The following NOX4 variants were observed in gnomAD, a reference collection of about 807,000 sequenced individuals.
NOX4 encodes kidney oxidase-1.
A neutral mutation model predicts 87.6 loss-of-function variants in NOX4; 69 were observed. That is an observed-to-expected ratio of 0.79 (90% CI 0.65 to 0.96). The LOEUF (loss-of-function observed/expected upper bound fraction) is 0.96, where lower values mean the gene tolerates loss of function less well. Ranked by LOEUF, NOX4 falls within the 40% of genes least tolerant of loss-of-function variation. The pLI is 0.00. For missense variants in NOX4, 680 were observed against 681.5 expected (o/e 1.00, Z 0.02); for synonymous variants, 275 against 238.2 (o/e 1.15, Z -1.42).
At chr11:89,365,776 A>AAAC (rs1938932550) in intron 12 of NOX4, among the ~76,000 whole-genome samples, 1 of 149,982 alleles carries the variant, frequency 6.7e-6, no homozygotes, top group African/African-American at 2.5e-5. Context: ...AAAAAAAAAA[A>AAAC]CAGGAGATTT....
chr11:89,454,970 G>T (rs914861161), intron 2 of NOX4, among the ~76,000 whole-genome samples: 9 of 151,992 alleles, frequency 5.9e-5, no homozygotes, highest in Admixed American at 6.6e-5. Context: ...TCATCTCAGG[G>T]TTAAAACTAA....
chr11:89,536,106 T>C, the NOX4 span, among the ~76,000 whole-genome samples: 2 of 151,232 alleles, frequency 1.3e-5, no homozygotes, highest in African/African-American at 4.9e-5. Flanking sequence ...AAGCTCAGGG[T>C]TCTCAGCAAT....
chr11:89,402,013 A>T lies in NOX4; in HGVS notation c.846+313T>A, dbSNP rs868059012. Among the ~76,000 whole-genome samples, 5 of 152,128 alleles carry T rather than the reference A, an allele frequency of 3.3e-5. No individual in the cohort carries two copies. In the South Asian group the frequency reaches 1.0e-3, roughly 32 times the overall value. On this transcript the variant is annotated intron_variant, in intron 9 of 17. Transcript: ENST00000263317. ...GTAGGTTTTTTTAACTACTATTTTTATTATTCAATCAGCTTTTCTCAAATG... is the reference window on the plus strand; with the variant it reads ...GTAGGTTTTTTTAACTACTATTTTTTTTATTCAATCAGCTTTTCTCAAATG...
At chr11:89,404,486 G>A (rs1198025912) in intron 8 of NOX4, among the ~76,000 whole-genome samples, 1 of 152,034 alleles carries the variant, frequency 6.6e-6, no homozygotes, top group Non-Finnish European at 1.5e-5. Flanking sequence ...ATAGTAACTG[G>A]GGTAGTGTTT....
chr11:89,339,104 G>C (rs971297970), intron 15 of NOX4, among the ~76,000 whole-genome samples: 1 of 152,056 alleles, frequency 6.6e-6, no homozygotes, highest in Non-Finnish European at 1.5e-5. Context: ...ATGACTGACT[G>C]AATGAGTGAA....
chr11:89,400,518 A>G, intron 9 of NOX4, 139 bp from the exon 10 acceptor site: 1 of 545,180 alleles, frequency 1.8e-6, no homozygotes, highest in East Asian at 3.2e-5. Context: ...ACAAATGAGT[A>G]AAAAATAATA....
chr11:89,436,672 C>A (rs1328892733), intron 6 of NOX4, among the ~76,000 whole-genome samples: 1 of 152,014 alleles, frequency 6.6e-6, no homozygotes. Context: ...ATTATCTATT[C>A]ATTATCCTAT....
chr11:89,331,416 C>G (rs930829222), intron 17 of NOX4, among the ~76,000 whole-genome samples: 1 of 150,860 alleles, frequency 6.6e-6, no homozygotes, highest in African/African-American at 2.4e-5. Context: ...TTTTAAGAAA[C>G]TAGTAAAAAT....
chr11:89,588,924 G>A, the NOX4 span, among the ~76,000 whole-genome samples: 62 of 152,178 alleles, frequency 4.1e-4, no homozygotes, highest in African/African-American at 1.4e-3. Flanking sequence ...CCCGTATATC[G>A]GTAGTATTAG....
At chr11:89,468,710 C>T (rs2135436359) in intron 2 of NOX4, among the ~76,000 whole-genome samples, 1 of 152,100 alleles carries the variant, frequency 6.6e-6, no homozygotes, top group African/African-American at 2.4e-5. Flanking sequence ...ATATTTTTCC[C>T]TCTCATCTTT....
intron 11 of NOX4, among the ~76,000 whole-genome samples, chr11:89,378,018 C>T (rs763289343): frequency 3.9e-5 from 6 of 152,166 alleles, no homozygotes; most frequent in Non-Finnish European, 7.4e-5. Flanking sequence ...CTCTCTGATA[C>T]CACTTATTTC....
chr11:89,478,700 G>C (rs1263886113), intron 2 of NOX4, among the ~76,000 whole-genome samples: 2 of 152,078 alleles, frequency 1.3e-5, no homozygotes, highest in Non-Finnish European at 2.9e-5. Flanking sequence ...ACAAGTCTAA[G>C]ACCAATTTTC....
At position 89,325,115 on chromosome 11, in the gene NOX4, C is replaced by CTTTTTTTTTTTTTTTTTTTTT. The variant is rs141198784; in HGVS notation, c.*1620_*1640dup. The CTTTTTTTTTTTTTTTTTTTTT allele has an allele frequency of 1.2e-4, 9 of 76,332 alleles. 2 individuals carry two copies. Among genetic ancestry groups the CTTTTTTTTTTTTTTTTTTTTT allele is most frequent in the African/African-American group, 4.5e-4 (8 of 17,702 alleles). 4.7% of individuals were successfully genotyped at this position (76,332 alleles called of 1,614,324 possible). A position where few individuals can be genotyped will look rare whatever the true frequency, so the allele number is the denominator to read the frequency against. On this transcript the variant is annotated 3_prime_UTR_variant, in exon 18 of 18. Coordinates refer to ENST00000263317, the MANE Select transcript of NOX4 (RefSeq NM_016931.5). ...ACTAAACTGTATGAATGCTTTAATT[C>CTTTTTTTTTTTTTTTTTTTTT]TTTTTTTTTTTTTTTTTTTTTTTTT...
chr11:89,450,534 A>G (rs376124252), intron 3 of NOX4, among the ~76,000 whole-genome samples: 32 of 152,170 alleles, frequency 2.1e-4, no homozygotes, highest in African/African-American at 7.2e-4. Context: ...TACATACTTC[A>G]TTTTACAACA....
rs534257357 is a variant in NOX4 at position 89,342,126 on chromosome 11, C to T, written c.1285G>A (p.Val429Met). Residue 429 changes from valine (V) to methionine (M), a missense_variant, in exon 14 of 18, where the codon GTG becomes ATG. Transcript: ENST00000263317. The stretch of plus-strand genomic sequence containing the variant: ...GGAGTTACTCCAATGCCTCCAGCCA[C>T]GCAGAGGCTGACCTCATAGTTCAGT... ...ESLNYEVSLCVAGGIGVTPFA... is the reference protein window; with the variant it reads ...ESLNYEVSLCMAGGIGVTPFA... 7.4e-5 allele frequency: 119 copies of T among 1,612,762 alleles called. 1 individual carries two copies. In the East Asian group the frequency reaches 1.5e-3, roughly 21 times the overall value.
the NOX4 span, among the ~76,000 whole-genome samples, chr11:89,530,087 A>G: frequency 7.4e-4 from 112 of 152,204 alleles, no homozygotes; most frequent in African/African-American, 2.6e-3. Context: ...ATACTACAAT[A>G]TTACAAATAA....
intron 4 of NOX4, among the ~76,000 whole-genome samples, chr11:89,448,031 C>A (rs550801771): frequency 6.6e-6 from 1 of 152,170 alleles, no homozygotes; most frequent in Non-Finnish European, 1.5e-5. Context: ...AATGGCCCTG[C>A]TATCAAAACA....
At chr11:89,416,717 C>T (rs536188382) in intron 8 of NOX4, among the ~76,000 whole-genome samples, 18 of 152,232 alleles carry the variant, frequency 1.2e-4, no homozygotes, top group African/African-American at 4.3e-4. Flanking sequence ...AGCCTGCCCA[C>T]TGTGCTCCCC....
At chr11:89,350,233 G>A (rs1946398771) in intron 13 of NOX4, among the ~76,000 whole-genome samples, 1 of 152,162 alleles carries the variant, frequency 6.6e-6, no homozygotes, top group African/African-American at 2.4e-5. Context: ...TTGTATTTTA[G>A]AAGAGTGTTC....
Sources: allele counts gnomAD v4.1 joint callset (sites outside exome capture counted in the v4.1 genomes callset), GRCh38; gene constraint gnomAD v4.1.1; transcripts MANE v1.5; gene names NCBI Gene and HGNC (gene_info 2026-07-23, HGNC 2026-07-21).